The following F2 variants were observed in gnomAD, a reference collection of about 807,000 sequenced individuals.
F2 encodes the protein prothrombin.
A neutral mutation model predicts 81.9 loss-of-function variants in F2; 34 were observed. The observed-to-expected ratio is 0.42, with a 90% CI of 0.32 to 0.55. The LOEUF (loss-of-function observed/expected upper bound fraction) is 0.55. F2 is among the 20% of genes least tolerant of loss of function. The pLI, the probability that F2 is intolerant of heterozygous loss-of-function variation, is 0.18. For synonymous variants in F2, 296 were observed against 326.4 expected, an observed-to-expected ratio of 0.91 and a Z score of 1.01; for missense variants, 630 against 833.4, an observed-to-expected ratio of 0.76 and a Z score of 3.00.
chr11:46,732,370 T>G (rs1031690745), intron 12 of F2, among the ~76,000 whole-genome samples: 3 of 152,062 alleles, frequency 2.0e-5, no homozygotes, highest in African/African-American at 7.2e-5. Context: ...TAAGGATCCT[T>G]ACTTTATTCT....
At chr11:46,720,020 C>A in intron 2 of F2, 158 bp downstream of exon 2, 13 of 1,037,634 alleles carry the variant, frequency 1.3e-5, no homozygotes, top group Non-Finnish European at 1.5e-5. Flanking sequence ...AGAGGAGCGG[C>A]CTCAGCCTTT....
chr11:46,738,500 G>T (rs1252169714), intron 12 of F2, among the ~76,000 whole-genome samples: 2 of 151,766 alleles, frequency 1.3e-5, no homozygotes, highest in Non-Finnish European at 2.9e-5. Context: ...TCGAGACAGG[G>T]TCTCACTCTG....
At position 46,730,796 on chromosome 11, in the gene F2, A is replaced by ATATATATG. The variant is rs942052249; in HGVS notation, c.1654+1238_1654+1239insATATGTAT. 8.4e-5 allele frequency among the ~76,000 whole-genome samples: 12 copies of ATATATATG among 142,202 alleles called. 2 individuals are homozygous for ATATATATG. The highest frequency in any genetic ancestry group is 1.4e-4 in the Non-Finnish European group (9 of 62,218). The allele number at this position is 142,202 out of a possible 152,430, so 93.3% of individuals were successfully genotyped here. The stretch of plus-strand genomic sequence containing the variant: ...GATGTGTGGGAATTTTTATATATAT[A>ATATATATG]TATGCATAGTTTGAGAGCAAATCAT... On this transcript the variant is annotated intron_variant, in intron 12 of 13. Transcript: ENST00000311907.
In F2 at chr11:46,726,557, G is replaced by A. The variant is rs371085757; in HGVS notation, c.934G>A (p.Glu312Lys). ...GGATGAGGACTCAGACAGGGCCATCGAAGGGCGTACCGCCACCAGTGAGTA... is the reference window on the plus strand; with the variant it reads ...GGATGAGGACTCAGACAGGGCCATCAAAGGGCGTACCGCCACCAGTGAGTA... The part of the protein sequence containing the change: ...GLDEDSDRAI[E>K]GRTATSEYQT... Residue 312 changes from glutamate to lysine, a missense_variant, in exon 8 of 14, where the codon GAA becomes AAA. Transcript: ENST00000311907. The surrounding 1 kb of genome is among the most constrained non-coding windows in gnomAD (Gnocchi z 5.9). 49 of 1,613,974 alleles carry A rather than the reference G, an allele frequency of 3.0e-5. No individual in the cohort carries two copies. Among genetic ancestry groups the A allele is most frequent in the African/African-American group, 1.7e-4 (13 of 74,946 alleles).
chr11:46,738,396 T>C (rs1463202057), intron 12 of F2, among the ~76,000 whole-genome samples: 1 of 152,202 alleles, frequency 6.6e-6, no homozygotes, highest in Non-Finnish European at 1.5e-5. Flanking sequence ...GCAACTATCA[T>C]TATTATCCTC....
intron 6 of F2, among the ~76,000 whole-genome samples, chr11:46,724,105 C>T (rs948607495): frequency 3.3e-5 from 5 of 152,174 alleles, no homozygotes; most frequent in African/African-American, 7.2e-5. Context: ...CTCCTCCCTC[C>T]GGGAAGCCCT....
At chr11:46,734,603 A>G (rs1044228780) in intron 12 of F2, among the ~76,000 whole-genome samples, 3 of 152,068 alleles carry the variant, frequency 2.0e-5, no homozygotes, top group Non-Finnish European at 4.4e-5. Flanking sequence ...CTGAGGTCAG[A>G]AGTTCAAGAC....
At chr11:46,721,010 C>A (rs548897193) in intron 4 of F2, among the ~76,000 whole-genome samples, 170 bp downstream of exon 4, 23 of 152,166 alleles carry the variant, frequency 1.5e-4, no homozygotes, top group Non-Finnish European at 2.5e-4. Flanking sequence ...CTGTGTCTGG[C>A]ATGCGAACGA....
At chr11:46,721,917 G>C (rs1433649865) in intron 4 of F2, among the ~76,000 whole-genome samples, 1 of 150,372 alleles carries the variant, frequency 6.7e-6, no homozygotes, top group East Asian at 1.9e-4. Context: ...ATCTCGGCTC[G>C]CTGCAACCTC....
Position 46,719,466 on chromosome 11 carries a change from G to T in F2, c.79+152G>T. ...CTTAGGGAAGAAGTCAGGAGCTCAG[G>T]GCTGGAAAGAGAATGGCTGCTTCTC... is the stretch of plus-strand genomic sequence containing the variant. On this transcript the variant is annotated intron_variant, in intron 1 of 13. Coordinates refer to ENST00000311907, the MANE Select transcript of F2 (RefSeq NM_000506.5). The surrounding 1 kb of genome is among the most constrained non-coding windows in gnomAD (Gnocchi z 4.7). 1 of 1,027,348 alleles carries T rather than the reference G, an allele frequency of 9.7e-7. No homozygotes were observed. Among genetic ancestry groups the T allele is most frequent in the South Asian group, 1.4e-5 (1 of 72,700 alleles). The allele number at this position is 1,027,348 out of a possible 1,614,324, so 63.6% of individuals were successfully genotyped here.
chr11:46,728,913 C>A lies in F2; in HGVS notation c.1472+76C>A. 2 of 1,522,366 alleles carry A rather than the reference C, an allele frequency of 1.3e-6. No individual in the cohort carries two copies. The highest frequency in any genetic ancestry group is 1.8e-6 in the Non-Finnish European group (2 of 1,103,794). The allele number at this position is 1,522,366 out of a possible 1,614,324, so 94.3% of individuals were successfully genotyped here. On this transcript the variant is annotated intron_variant, in intron 11 of 13. Coordinates refer to ENST00000311907, the MANE Select transcript of F2 (RefSeq NM_000506.5). This position sits in a 1 kb window ranked among gnomAD's most constrained non-coding sequence, Gnocchi z 5.1. ...CTGGCTCTGATACCAAGTAGCCTTG[C>A]AAGAGCCCCTTTCCCTTTTCCAGGC... is the stretch of plus-strand genomic sequence containing the variant.
chr11:46,729,910 C>T (rs1042163617), intron 12 of F2, among the ~76,000 whole-genome samples: 1 of 151,692 alleles, frequency 6.6e-6, no homozygotes, highest in African/African-American at 2.4e-5. Context: ...GGGACCCAGA[C>T]GGACAATGTC....
chr11:46,731,957 C>T (rs568271222), intron 12 of F2, among the ~76,000 whole-genome samples: 1 of 147,018 alleles, frequency 6.8e-6, no homozygotes, highest in East Asian at 2.0e-4. Context: ...CCCTCTATCA[C>T]CCGGGCTGGA....
In F2 at chr11:46,726,918, A is replaced by C; in HGVS notation, c.1130+81A>C. 6.3e-7 allele frequency: 1 copy of C among 1,595,382 alleles called. No homozygotes were observed. Among genetic ancestry groups the C allele is most frequent in the Non-Finnish European group, 8.6e-7 (1 of 1,166,606 alleles). On this transcript the variant is annotated intron_variant, in intron 9 of 13. Transcript: ENST00000311907. The surrounding 1 kb of genome is among the most constrained non-coding windows in gnomAD (Gnocchi z 5.9). ...ACCCCCACCCTCAGGCCCTGCCTGCAGGCCTGGGCTTTACAGATGACAACA... is the reference window on the plus strand; with the variant it reads ...ACCCCCACCCTCAGGCCCTGCCTGCCGGCCTGGGCTTTACAGATGACAACA...
chr11:46,719,996 T>G lies in F2; in HGVS notation c.240+134T>G. The G allele has an allele frequency of 1.6e-6, 2 of 1,277,516 alleles. No individual in the cohort carries two copies. The highest frequency in any genetic ancestry group is 2.2e-6 in the Non-Finnish European group (2 of 918,846). 79.1% of individuals were successfully genotyped at this position (1,277,516 alleles called of 1,614,324 possible). On this transcript the variant is annotated intron_variant, in intron 2 of 13. Coordinates refer to ENST00000311907, the MANE Select transcript of F2 (RefSeq NM_000506.5). The surrounding 1 kb of genome is among the most constrained non-coding windows in gnomAD (Gnocchi z 4.7). ...CCTCATTTCAACTCTGAGCCCCTCC[T>G]CACAGGGCTGGCAAGAGGAGCGGCC... is the stretch of plus-strand genomic sequence containing the variant.
At chr11:46,727,312 A>T (rs1020239958) in intron 9 of F2, among the ~76,000 whole-genome samples, 2 of 152,012 alleles carry the variant, frequency 1.3e-5, no homozygotes, top group Non-Finnish European at 2.9e-5. Context: ...ATGAGCCACC[A>T]CACCCGGCCC....
intron 11 of F2, 33 bp from the exon 12 acceptor site, chr11:46,729,347 G>A: frequency 6.2e-7 from 1 of 1,604,836 alleles, no homozygotes; most frequent in Non-Finnish European, 8.5e-7. Flanking sequence ...TGTGGGGGTT[G>A]GCTCTCACTA....
Position 46,719,736 on chromosome 11 carries a change from C to G in F2, c.114C>G (p.Leu38=), listed in dbSNP as rs1167293864. The G allele has an allele frequency of 6.3e-7, 1 of 1,595,660 alleles. No homozygotes were observed. Among genetic ancestry groups the G allele is most frequent in the Non-Finnish European group, 8.5e-7 (1 of 1,172,462 alleles). ...CTCCTCAGCAAGCACGGTCGCTGCT[C>G]CAGCGGGTCCGGCGAGCCAACACCT... ...FLAPQQARSL[L]QRVRRANTFL... Residue 38 remains leucine, a synonymous_variant, in exon 2 of 14, where the codon CTC becomes CTG. Transcript: ENST00000311907. This position sits in a 1 kb window ranked among gnomAD's most constrained non-coding sequence, Gnocchi z 4.7.
intron 13 of F2, 67 bp from the exon 14 acceptor site, chr11:46,739,198 C>T (rs1592422485): frequency 1.2e-6 from 2 of 1,613,456 alleles, no homozygotes; most frequent in South Asian, 2.2e-5. Flanking sequence ...GAAACAGTTG[C>T]CTGGCAGGGG....
Sources: gnomAD v4.1 joint callset for allele counts (sites outside exome capture counted in the v4.1 genomes callset) on GRCh38, gnomAD v4.1.1 for gene constraint, Gnocchi (gnomAD v3.1) non-coding constraint, MANE v1.5 for transcripts, NCBI Gene and HGNC (gene_info 2026-07-23, HGNC 2026-07-21) for gene names.